The following SIM1 variants were observed in gnomAD, a reference collection of about 807,000 sequenced individuals.
SIM1 encodes single-minded homolog 1.
SIM1 carries 18 observed loss-of-function variants against 78.2 expected under a neutral mutation model. The observed-to-expected ratio is 0.23, with a 90% CI of 0.16 to 0.34. The LOEUF (loss-of-function observed/expected upper bound fraction) is 0.34, where lower values mean the gene tolerates loss of function less well. Among genes scored for constraint, SIM1 ranks in the 10% least tolerant of loss-of-function variants. The pLI is 1.00. For missense variants in SIM1, 939 were observed against 975.1 expected (o/e 0.96, Z 0.49); for synonymous variants, 417 against 385.2 (o/e 1.08, Z -0.97).
At chr6:100,412,201 G>A (rs1355779626) in intron 10 of SIM1, among the ~76,000 whole-genome samples, 3 of 151,972 alleles carry the variant, frequency 2.0e-5, no homozygotes, top group African/African-American at 4.8e-5. Context: ...CCCAGGACAC[G>A]GGCAATGGGG....
intron 11 of SIM1, 63 bp from the exon 12 acceptor site, chr6:100,391,154 T>G (rs1452599616): frequency 3.4e-6 from 5 of 1,480,064 alleles, no homozygotes; most frequent in South Asian, 1.4e-5. Flanking sequence ...TAAGTATATT[T>G]CCTTTACCTA....
At chr6:100,434,274 A>G (rs752078547) in intron 9 of SIM1, among the ~76,000 whole-genome samples, 4 of 152,204 alleles carry the variant, frequency 2.6e-5, no homozygotes, top group Non-Finnish European at 5.9e-5. Context: ...GCAAGGGTCC[A>G]TTACCCAAAT....
intron 9 of SIM1, among the ~76,000 whole-genome samples, chr6:100,424,512 T>C (rs918346571): frequency 6.6e-6 from 1 of 152,168 alleles, no homozygotes; most frequent in South Asian, 2.1e-4. Context: ...CTCGGCTCAC[T>C]GCAGCCTCAA....
At chr6:100,419,988 T>C (rs928729976) in intron 10 of SIM1, among the ~76,000 whole-genome samples, 3 of 152,092 alleles carry the variant, frequency 2.0e-5, no homozygotes, top group Non-Finnish European at 4.4e-5. Flanking sequence ...TGAGCTACTC[T>C]AGTGAACTGC....
intron 10 of SIM1, among the ~76,000 whole-genome samples, chr6:100,412,550 GAAAGA>G (rs202239012): frequency 0.044 from 2,618 of 60,040 alleles, 252 homozygotes; most frequent in East Asian, 0.12. Flanking sequence ...AAGAAAGAAA[GAAAGA>G]AAAGAAAGAA....
rs1771556497 is a variant in SIM1 at position 100,420,783 on chromosome 6, C to A, written c.1167+7G>T. ...AAAAGAAAGTTGCAAAACAGCAATG[C>A]ACTTACCTGAGGGTATGGGGAAGTC... On this transcript the variant is annotated splice_region_variant and intron_variant, in intron 10 of 11. Coordinates refer to ENST00000369208, the MANE Select transcript of SIM1 (RefSeq NM_005068.3). 6.2e-7 allele frequency: 1 copy of A among 1,613,854 alleles called. No homozygotes were observed. Among genetic ancestry groups the A allele is most frequent in the African/African-American group, 1.3e-5 (1 of 74,880 alleles).
rs370296648 is a variant in SIM1 at position 100,398,933 on chromosome 6, TTGTGTG to T, written c.1168-5050_1168-5045del. Among the ~76,000 whole-genome samples the T allele has an allele frequency of 3.3e-4, 49 of 147,048 alleles. 1 individual carries two copies. Among genetic ancestry groups the T allele is most frequent in the South Asian group, 1.5e-3 (7 of 4,562 alleles). Reference sequence around the variant, plus strand: ...TCTACATCCTCACCAACACTTGTTATTGTGTGTGTGTGTGTGTGTGTGTGTGTATGT... The same window carrying T: ...TCTACATCCTCACCAACACTTGTTATTGTGTGTGTGTGTGTGTGTGTATGT... On this transcript the variant is annotated intron_variant, in intron 10 of 11. Coordinates refer to ENST00000369208, the MANE Select transcript of SIM1 (RefSeq NM_005068.3).
At position 100,393,353 on chromosome 6, in the gene SIM1, G is replaced by T. The variant is rs3778038; in HGVS notation, c.1570+134C>A. The T allele has an allele frequency of 0.38, 292,353 of 776,546 alleles. 57,676 individuals are homozygous for T. Among genetic ancestry groups the T allele is most frequent in the East Asian group, 0.75 (24,338 of 32,410 alleles). 48.1% of individuals were successfully genotyped at this position (776,546 alleles called of 1,614,324 possible). On this transcript the variant is annotated intron_variant, in intron 11 of 11. Transcript: ENST00000369208. ...CAAAATTAATAACTGAGTGAACTTT[G>T]TTTTTAATCCCATTGGTTCTGATTT...
In SIM1 at chr6:100,385,799, C is replaced by G. The variant is rs941042898; in HGVS notation, c.*4562G>C. The G allele has an allele frequency of 5.3e-5, 8 of 151,318 alleles. No homozygotes were observed. The highest frequency in any genetic ancestry group is 1.0e-4 in the Non-Finnish European group (7 of 67,794). 9.4% of individuals were successfully genotyped at this position (151,318 alleles called of 1,614,324 possible). A position where few individuals can be genotyped will look rare whatever the true frequency, so the allele number is the denominator to read the frequency against. On this transcript the variant is annotated 3_prime_UTR_variant, in exon 12 of 12. Transcript: ENST00000369208. Reference sequence around the variant, plus strand: ...TGTGTGTGTGTATGCTTTCTGCATACAGTCCTAGAGAAGGAACTCTGAGCA... The same window carrying G: ...TGTGTGTGTGTATGCTTTCTGCATAGAGTCCTAGAGAAGGAACTCTGAGCA...
Position 100,447,253 on chromosome 6 carries a change from C to A in SIM1, c.998+15G>T. 1.2e-6 allele frequency: 2 copies of A among 1,612,612 alleles called. No homozygotes were observed. Among genetic ancestry groups the A allele is most frequent in the Non-Finnish European group, 1.7e-6 (2 of 1,178,878 alleles). On this transcript the variant is annotated intron_variant, in intron 9 of 11. Transcript: ENST00000369208. ...TCGCCTGGGGTGGGTGAAGGGGTCT[C>A]AGTCTTGCACTCACGTGAGGACATA...
Position 100,448,135 on chromosome 6 carries a change from T to A in SIM1, c.850+11A>T. On this transcript the variant is annotated intron_variant, in intron 8 of 11. Transcript: ENST00000369208. The stretch of plus-strand genomic sequence containing the variant: ...AAGGTTGCTAGGGTACGGGGCAGGG[T>A]GGCGCCTTACGCAAATGGTGCGCGC... 1 of 1,605,168 alleles carries A rather than the reference T, an allele frequency of 6.2e-7. No homozygotes were observed. The highest frequency in any genetic ancestry group is 8.5e-7 in the Non-Finnish European group (1 of 1,174,796).
intron 3 of SIM1, among the ~76,000 whole-genome samples, chr6:100,453,125 TAAAA>T (rs1280442409): frequency 5.9e-5 from 9 of 152,192 alleles, no homozygotes; most frequent in Non-Finnish European, 1.2e-4. Flanking sequence ...AAGAGCAAGT[TAAAA>T]CTGTGAGCAC....
In SIM1 at chr6:100,393,542, G is replaced by A. The variant is rs79156912; in HGVS notation, c.1515C>T (p.Ser505=). The stretch of plus-strand genomic sequence containing the variant: ...GCATGCTGTTTTCATAGGCTTCTCT[G>A]CTTTCTGGGGAGGCCTTTGTCAGGG... ...ALPLTKASPE[S]REAYENSMPH... The change falls in exon 11 of 12, where the codon AGC becomes AGT. Residue 505 remains serine (S), a synonymous_variant. Transcript: ENST00000369208. 14 of 1,600,292 alleles carry A rather than the reference G, an allele frequency of 8.7e-6. No homozygotes were observed. The highest frequency in any genetic ancestry group is 1.7e-5 in the Admixed American group (1 of 58,752).
intron 2 of SIM1, chr6:100,462,937 T>C (rs1772891658): frequency 5.3e-6 from 1 of 190,290 alleles, no homozygotes; most frequent in Non-Finnish European, 1.1e-5. Flanking sequence ...TCCTGGTTTT[T>C]ACTGGACAAA....
rs560943690 is a variant in SIM1 at position 100,394,405 on chromosome 6, T to G, written c.1168-516A>C. On this transcript the variant is annotated intron_variant, in intron 10 of 11. Transcript: ENST00000369208. Reference sequence around the variant, plus strand: ...GTTCCATATTTTATTTCTATTTGCTTTCCACGTATTTTTTGGTTTTGACAG... The same window carrying G: ...GTTCCATATTTTATTTCTATTTGCTGTCCACGTATTTTTTGGTTTTGACAG... Among the ~76,000 whole-genome samples, 3 of 152,306 alleles carry G rather than the reference T, an allele frequency of 2.0e-5. No homozygotes were observed. In the East Asian group the frequency reaches 5.8e-4, roughly 29 times the overall value.
intron 9 of SIM1, among the ~76,000 whole-genome samples, chr6:100,430,933 C>T (rs1319011105): frequency 1.3e-5 from 2 of 152,090 alleles, no homozygotes; most frequent in Non-Finnish European, 2.9e-5. Context: ...AATAATTTTC[C>T]ACAACACTGG....
rs1260214288 is a variant in SIM1 at position 100,420,874 on chromosome 6, G to T, written c.1083C>A (p.Thr361=). The change falls in exon 10 of 12, where the codon ACC becomes ACA. Residue 361 remains threonine (T), a synonymous_variant. Coordinates refer to ENST00000369208, the MANE Select transcript of SIM1 (RefSeq NM_005068.3). ...KPAFSYTSSS[T]PTMTDNRKGA... is the part of the protein sequence containing the mutation. ...CCTTTCTGTTGTCAGTCATGGTGGG[G>T]GTGGAGCTGCTGGTATAGGAGAAGG... 2.5e-6 allele frequency: 4 copies of T among 1,613,934 alleles called. No individual in the cohort carries two copies. Among genetic ancestry groups the T allele is most frequent in the East Asian group, 4.5e-5 (2 of 44,874 alleles).
chr6:100,463,615 T>C lies in SIM1; in HGVS notation c.-147A>G, dbSNP rs1052123643. ...GCTGAAGTATTTGCACCAAGAACAG[T>C]GTATTGATGGCAGTAAAAGACCAGC... On this transcript the variant is annotated 5_prime_UTR_variant, in exon 2 of 12. Coordinates refer to ENST00000369208, the MANE Select transcript of SIM1 (RefSeq NM_005068.3). The C allele has an allele frequency of 8.4e-6, 6 of 711,094 alleles. No homozygotes were observed. The highest frequency in any genetic ancestry group is 1.4e-5 in the Non-Finnish European group (6 of 427,118). The allele number at this position is 711,094 out of a possible 1,614,324, so 44.0% of individuals were successfully genotyped here. A position where few individuals can be genotyped will look rare whatever the true frequency, so the allele number is the denominator to read the frequency against.
At chr6:100,398,303 C>T (rs1374938367) in intron 10 of SIM1, among the ~76,000 whole-genome samples, 3 of 152,034 alleles carry the variant, frequency 2.0e-5, no homozygotes. Context: ...TACTATTATC[C>T]AGTTTTAAGT....
Sources: gnomAD v4.1 joint callset for allele counts (sites outside exome capture counted in the v4.1 genomes callset) on GRCh38, gnomAD v4.1.1 for gene constraint, MANE v1.5 for transcripts, NCBI Gene and HGNC (gene_info 2026-07-23, HGNC 2026-07-21) for gene names.